Variants in ADGRB3 observed in about 807,000 individuals in gnomAD.
ADGRB3 encodes adhesion G protein-coupled receptor B3, also known as brain-specific angiogenesis inhibitor 3.
A neutral mutation model predicts 193.4 loss-of-function variants in ADGRB3; 37 were observed. The observed-to-expected ratio is 0.19, with a 90% CI of 0.15 to 0.25. The LOEUF (loss-of-function observed/expected upper bound fraction) is 0.25, where lower values mean the gene tolerates loss of function less well. Ranked by LOEUF, ADGRB3 falls within the 10% of genes least tolerant of loss-of-function variation. ADGRB3 has a pLI of 1.00. For synonymous variants in ADGRB3, 690 were observed against 644.2 expected, an observed-to-expected ratio of 1.07 and a Z score of -1.08; for missense variants, 1,637 against 1,852.9, an observed-to-expected ratio of 0.88 and a Z score of 2.14.
At chr6:68,693,149 G>A (rs1765103702) in intron 3 of ADGRB3, among the ~76,000 whole-genome samples, 1 of 151,794 alleles carries the variant, frequency 6.6e-6, no homozygotes, top group African/African-American at 2.4e-5. Flanking sequence ...AGAAATGCAA[G>A]GTTTAGAGAA....
intron 6 of ADGRB3, among the ~76,000 whole-genome samples, chr6:68,948,775 A>C (rs983728574): frequency 6.6e-6 from 1 of 152,100 alleles, no homozygotes; most frequent in African/African-American, 2.4e-5. Flanking sequence ...ATTGAGTGAC[A>C]GATTAAAGAC....
intron 17 of ADGRB3, among the ~76,000 whole-genome samples, chr6:69,153,060 T>C (rs1246133283): frequency 6.6e-6 from 1 of 152,118 alleles, no homozygotes; most frequent in Non-Finnish European, 1.5e-5. Context: ...TAGAAGTTAA[T>C]TTCACATGAA....
At chr6:69,358,804 T>C (rs1210197629) in intron 28 of ADGRB3, among the ~76,000 whole-genome samples, 1 of 151,920 alleles carries the variant, frequency 6.6e-6, no homozygotes, top group Admixed American at 6.6e-5. Context: ...ATGATTTGTT[T>C]ATGCTGTATA....
chr6:69,171,940 C>T (rs1278860334), intron 17 of ADGRB3, among the ~76,000 whole-genome samples: 1 of 152,162 alleles, frequency 6.6e-6, no homozygotes, highest in Non-Finnish European at 1.5e-5. Flanking sequence ...TAAGGTATGG[C>T]CATGTGACTA....
At chr6:68,783,264 C>T (rs1222846344) in intron 3 of ADGRB3, among the ~76,000 whole-genome samples, 1 of 148,044 alleles carries the variant, frequency 6.8e-6, no homozygotes, top group Non-Finnish European at 1.5e-5. Context: ...AACCATGCTC[C>T]TAACACTGCC....
At chr6:68,918,763 G>T (rs1183418678) in intron 3 of ADGRB3, among the ~76,000 whole-genome samples, 2 of 151,784 alleles carry the variant, frequency 1.3e-5, no homozygotes, top group Admixed American at 6.6e-5. Flanking sequence ...TCTTTATTCT[G>T]TCTCCCTTTT....
intron 3 of ADGRB3, among the ~76,000 whole-genome samples, chr6:68,684,264 G>C (rs997080052): frequency 1.3e-5 from 2 of 151,972 alleles, no homozygotes; most frequent in African/African-American, 4.8e-5. Flanking sequence ...TATCTACCTT[G>C]TCAGTCTTAC....
chr6:69,219,298 G>A (rs961548659), intron 17 of ADGRB3, among the ~76,000 whole-genome samples: 4 of 151,254 alleles, frequency 2.6e-5, no homozygotes, highest in African/African-American at 9.7e-5. Flanking sequence ...TTATATCCTG[G>A]AACATTGTAT....
At chr6:69,268,032 A>G (rs934999336) in intron 20 of ADGRB3, among the ~76,000 whole-genome samples, 3 of 152,114 alleles carry the variant, frequency 2.0e-5, no homozygotes, top group African/African-American at 4.8e-5. Context: ...AGGCATTCCC[A>G]TATTTATTAA....
intron 3 of ADGRB3, among the ~76,000 whole-genome samples, chr6:68,759,773 T>C (rs1204191072): frequency 6.6e-6 from 1 of 152,044 alleles, no homozygotes; most frequent in Non-Finnish European, 1.5e-5. Context: ...ATGAAATTTC[T>C]TTCAAAAACA....
intron 3 of ADGRB3, among the ~76,000 whole-genome samples, chr6:68,838,028 A>G (rs1389787752): frequency 6.6e-6 from 1 of 152,198 alleles, no homozygotes; most frequent in Non-Finnish European, 1.5e-5. Flanking sequence ...GGAAAAAAAA[A>G]TCAGAGGAAA....
chr6:69,275,664 T>A (rs1270548421), intron 20 of ADGRB3, among the ~76,000 whole-genome samples: 2 of 152,024 alleles, frequency 1.3e-5, no homozygotes, highest in Non-Finnish European at 2.9e-5. Context: ...CATCATTTTT[T>A]AAATATATTT....
chr6:68,715,738 C>T (rs1765478910), intron 3 of ADGRB3, among the ~76,000 whole-genome samples: 1 of 151,784 alleles, frequency 6.6e-6, no homozygotes, highest in South Asian at 2.1e-4. Context: ...TATAAATCAG[C>T]CATTTTATTT....
intron 20 of ADGRB3, among the ~76,000 whole-genome samples, chr6:69,260,530 G>A (rs192426041): frequency 4.9e-4 from 75 of 152,228 alleles, no homozygotes; most frequent in African/African-American, 1.7e-3. Flanking sequence ...TCCTAACTCT[G>A]TCACCAGTCA....
At chr6:68,894,294 C>T (rs1456853781) in intron 3 of ADGRB3, among the ~76,000 whole-genome samples, 2 of 151,938 alleles carry the variant, frequency 1.3e-5, no homozygotes, top group East Asian at 3.9e-4. Context: ...TTTATTTTAG[C>T]TTCTAAATGA....
intron 30 of ADGRB3, among the ~76,000 whole-genome samples, chr6:69,376,044 A>G (rs559410366): frequency 6.6e-6 from 1 of 150,392 alleles, no homozygotes; most frequent in Non-Finnish European, 1.5e-5. Context: ...AAATGCAGAG[A>G]TAAAAATTTT....
At chr6:69,234,862 T>G (rs1283375042) in intron 18 of ADGRB3, among the ~76,000 whole-genome samples, 170 bp from the exon 19 acceptor site, 1 of 152,090 alleles carries the variant, frequency 6.6e-6, no homozygotes, top group Non-Finnish European at 1.5e-5. Context: ...GCAATTAGTA[T>G]TTTTAGAGGT....
chr6:68,749,045 G>A (rs903030802), intron 3 of ADGRB3, among the ~76,000 whole-genome samples: 1 of 152,110 alleles, frequency 6.6e-6, no homozygotes, highest in Admixed American at 6.6e-5. Flanking sequence ...ATGTCCCCAG[G>A]CTACACACAG....
At chr6:68,835,749 T>C (rs1768033456) in intron 3 of ADGRB3, among the ~76,000 whole-genome samples, 2 of 152,324 alleles carry the variant, frequency 1.3e-5, no homozygotes, top group African/African-American at 2.4e-5. Context: ...TTTTCTGTTA[T>C]GGATTCTTCA....
Sources: gnomAD v4.1 joint callset for allele counts (sites outside exome capture counted in the v4.1 genomes callset) on GRCh38, gnomAD v4.1.1 for gene constraint, MANE v1.5 for transcripts, NCBI Gene and HGNC (gene_info 2026-07-23, HGNC 2026-07-21) for gene names.